DERL1: variants seen among roughly 807,000 people sequenced by gnomAD.
DERL1 encodes derlin-1.
A neutral mutation model predicts 41.6 loss-of-function variants in DERL1; 24 were observed. The observed-to-expected ratio is 0.58, with a 90% CI of 0.42 to 0.81. DERL1 has a LOEUF of 0.81. Ranked by LOEUF, DERL1 falls within the 30% of genes least tolerant of loss-of-function variation. The pLI, the probability that DERL1 is intolerant of heterozygous loss-of-function variation, is 0.00. For missense variants in DERL1, 260 were observed against 314.3 expected, an observed-to-expected ratio of 0.83 and a Z score of 1.31; for synonymous variants, 124 against 112.5, an observed-to-expected ratio of 1.10 and a Z score of -0.65.
Position 123,022,795 on chromosome 8 carries a change from A to T in DERL1, c.358-16T>A. ...TCATCAGCAACTGCAAAAGAAGTCG[A>T]CATGTAAAAACCAGGCTCCAGAGGC... On this transcript the variant is annotated splice_polypyrimidine_tract_variant and intron_variant, in intron 4 of 7. Coordinates refer to ENST00000259512, the MANE Select transcript of DERL1 (RefSeq NM_024295.6). 1 of 1,612,006 alleles carries T rather than the reference A, an allele frequency of 6.2e-7. No individual in the cohort carries two copies. The highest frequency in any genetic ancestry group is 1.1e-5 in the South Asian group (1 of 91,030).
chr8:123,035,457 G>A (rs142405813), intron 1 of DERL1, among the ~76,000 whole-genome samples: 75 of 152,300 alleles, frequency 4.9e-4, no homozygotes, highest in Middle Eastern at 6.8e-3. Context: ...TTTACGTTCA[G>A]TGCCAGGAGT....
rs112570128 is a variant in DERL1 at position 123,015,222 on chromosome 8, A to C, written c.*225T>G. ...AAATGTAGTCAGTTTTGCAATTTGC[A>C]CAGTTGGTATTTGTTCTTCACAGCA... is the stretch of plus-strand genomic sequence containing the variant. On this transcript the variant is annotated 3_prime_UTR_variant, in exon 8 of 8. Transcript: ENST00000259512. 5.3e-4 allele frequency: 276 copies of C among 520,660 alleles called. 1 individual carries two copies. Among genetic ancestry groups the C allele is most frequent in the African/African-American group, 4.5e-3 (232 of 51,422 alleles). 32.3% of individuals were successfully genotyped at this position (520,660 alleles called of 1,614,324 possible). A position where few individuals can be genotyped will look rare whatever the true frequency, so the allele number is the denominator to read the frequency against.
chr8:123,037,339 T>C (rs116846588), intron 1 of DERL1, among the ~76,000 whole-genome samples: 59 of 152,322 alleles, frequency 3.9e-4, no homozygotes, highest in Non-Finnish European at 7.1e-4. Context: ...TTACAATCAA[T>C]ACACTCGTTG....
chr8:123,031,645 C>A (rs1327640762), intron 1 of DERL1, among the ~76,000 whole-genome samples: 1 of 152,204 alleles, frequency 6.6e-6, no homozygotes. Flanking sequence ...AACAGCTGAT[C>A]AGTGTCTTGT....
chr8:123,035,888 T>A (rs1327355816), intron 1 of DERL1, among the ~76,000 whole-genome samples: 1 of 152,092 alleles, frequency 6.6e-6, no homozygotes, highest in Non-Finnish European at 1.5e-5. Context: ...AAGTGAGGAT[T>A]TGTCTGAAAT....
chr8:123,015,783 T>C, intron 7 of DERL1, 198 bp from the exon 8 acceptor site: 1 of 527,976 alleles, frequency 1.9e-6, no homozygotes, highest in Non-Finnish European at 3.1e-6. Context: ...GCATTCGTTT[T>C]TCATGTTTCT....
Position 123,023,751 on chromosome 8 carries a change from A to G in DERL1, c.331-12T>C. 6.2e-7 allele frequency: 1 copy of G among 1,611,122 alleles called. No individual in the cohort carries two copies. Among genetic ancestry groups the G allele is most frequent in the South Asian group, 1.1e-5 (1 of 90,364 alleles). ...GCTAAGCCAGTAATCTTGGTTTGTA[A>G]AGTTAAAGATCAGACATAAAAAAGC... On this transcript the variant is annotated splice_polypyrimidine_tract_variant and intron_variant, in intron 3 of 7. Coordinates refer to ENST00000259512, the MANE Select transcript of DERL1 (RefSeq NM_024295.6).
At chr8:123,034,680 G>T (rs1586469339) in intron 1 of DERL1, among the ~76,000 whole-genome samples, 1 of 152,170 alleles carries the variant, frequency 6.6e-6, no homozygotes, top group Non-Finnish European at 1.5e-5. Context: ...GTATTATGAG[G>T]TACAATTACA....
intron 2 of DERL1, among the ~76,000 whole-genome samples, chr8:123,027,315 A>T: frequency 6.8e-6 from 1 of 147,166 alleles, no homozygotes; most frequent in South Asian, 2.2e-4. Context: ...AAAAAAAAAA[A>T]AAAATTTAGT....
intron 2 of DERL1, chr8:123,030,376 T>G: frequency 2.7e-6 from 1 of 364,524 alleles, no homozygotes; most frequent in Non-Finnish European, 4.9e-6. Flanking sequence ...TCTGCTACTT[T>G]TTGCATCTAT....
intron 1 of DERL1, among the ~76,000 whole-genome samples, chr8:123,039,920 G>GA (rs1813006318): frequency 6.6e-6 from 1 of 152,160 alleles, no homozygotes; most frequent in Non-Finnish European, 1.5e-5. Context: ...TATGTAGCAA[G>GA]AAAAATGAAG....
Position 123,021,500 on chromosome 8 carries a change from C to T in DERL1, c.454-1G>A. ...GGATAACCCAGGGTAAATAGCAGGC[C>T]TAGGATGGAATGAATATATGCAAAT... On this transcript the variant is annotated splice_acceptor_variant, in intron 5 of 7. Coordinates refer to ENST00000259512, the MANE Select transcript of DERL1 (RefSeq NM_024295.6). LOFTEE classifies it high-confidence loss of function. 1 of 1,613,540 alleles carries T rather than the reference C, an allele frequency of 6.2e-7. No homozygotes were observed. Among genetic ancestry groups the T allele is most frequent in the African/African-American group, 1.3e-5 (1 of 75,006 alleles).
chr8:123,020,306 C>T (rs1055871622), intron 6 of DERL1, among the ~76,000 whole-genome samples: 2 of 151,726 alleles, frequency 1.3e-5, no homozygotes, highest in Non-Finnish European at 2.9e-5. Context: ...ACAGCGAAAC[C>T]TCATCTCTAC....
chr8:123,029,788 G>A (rs1233237536), intron 2 of DERL1, among the ~76,000 whole-genome samples: 1 of 152,124 alleles, frequency 6.6e-6, no homozygotes, highest in East Asian at 1.9e-4. Flanking sequence ...GGCTGGGCAC[G>A]TTGACTCACA....
chr8:123,030,099 C>T (rs1171454091), intron 2 of DERL1: 2 of 152,130 alleles, frequency 1.3e-5, no homozygotes, highest in African/African-American at 4.8e-5. Flanking sequence ...TACATTGGTA[C>T]TCATACCTGA....
At chr8:123,036,719 C>G (rs16897904) in intron 1 of DERL1, among the ~76,000 whole-genome samples, 13,016 of 152,178 alleles carry the variant, frequency 0.086, 696 homozygotes, top group East Asian at 0.15. Context: ...CGTACCAGAA[C>G]ACTTGCCACT....
chr8:123,024,871 A>T, intron 3 of DERL1, 115 bp downstream of exon 3: 1 of 1,019,658 alleles, frequency 9.8e-7, no homozygotes, highest in Non-Finnish European at 1.4e-6. Flanking sequence ...TATTAACGGT[A>T]GTCAACCAAG....
Position 123,026,915 on chromosome 8 carries a change from C to T in DERL1, c.266-1865G>A, listed in dbSNP as rs188799136. Among the ~76,000 whole-genome samples, 12 of 152,170 alleles carry T rather than the reference C, an allele frequency of 7.9e-5. No homozygotes were observed. In the East Asian group the frequency reaches 9.7e-4, roughly 12 times the overall value. Reference sequence around the variant, plus strand: ...GAAGAATCTTGAAAACATTATGCTACGTAAAAGACATAAGTCACAAAAGGC... The same window carrying T: ...GAAGAATCTTGAAAACATTATGCTATGTAAAAGACATAAGTCACAAAAGGC... On this transcript the variant is annotated intron_variant, in intron 2 of 7. Transcript: ENST00000259512.
chr8:123,041,276 G>A (rs994526102), intron 1 of DERL1, among the ~76,000 whole-genome samples: 2 of 152,238 alleles, frequency 1.3e-5, no homozygotes, highest in Admixed American at 1.3e-4. Flanking sequence ...TTTTAAATCA[G>A]AAATTGGTGA....
Sources: gnomAD v4.1 joint callset for allele counts (sites outside exome capture counted in the v4.1 genomes callset) on GRCh38, gnomAD v4.1.1 for gene constraint, MANE v1.5 for transcripts, NCBI Gene and HGNC (gene_info 2026-07-23, HGNC 2026-07-21) for gene names.